Variants in MPHOSPH8 observed in about 807,000 individuals in gnomAD.
MPHOSPH8 encodes M-phase phosphoprotein 8, also known as M-phase phosphoprotein, mpp.
Under a neutral mutation model 87.3 loss-of-function variants are expected in MPHOSPH8, and 45 were observed. The observed-to-expected ratio is 0.52, with a 90% confidence interval of 0.41 to 0.66. The LOEUF (loss-of-function observed/expected upper bound fraction) is 0.66. MPHOSPH8 is among the 30% of genes least tolerant of loss of function. The pLI is 0.00. For missense variants in MPHOSPH8, 883 were observed against 1,020.2 expected, an observed-to-expected ratio of 0.87 and a Z score of 1.83; for synonymous variants, 366 against 376.9, an observed-to-expected ratio of 0.97 and a Z score of 0.33.
At chr13:19,666,329 C>T in intron 9 of MPHOSPH8, 96 bp from the exon 10 acceptor site, 1 of 1,302,260 alleles carries the variant, frequency 7.7e-7, no homozygotes, top group South Asian at 1.7e-5. Flanking sequence ...CCTGTGCCCT[C>T]TCTTCACAGA....
At chr13:19,651,551 C>T (rs114120456) in intron 5 of MPHOSPH8, among the ~76,000 whole-genome samples, 1,698 of 151,558 alleles carry the variant, frequency 0.011, 32 homozygotes, top group African/African-American at 0.038. Flanking sequence ...AGAAAACTGG[C>T]TAGGCATGGT....
intron 5 of MPHOSPH8, among the ~76,000 whole-genome samples, chr13:19,656,667 G>A (rs1277227328): frequency 1.3e-5 from 2 of 152,060 alleles, no homozygotes; most frequent in African/African-American, 2.4e-5. Context: ...GGCTGAGGCA[G>A]GAGAATCGCT....
At chr13:19,634,019 G>GA in intron 1 of MPHOSPH8, 58 bp downstream of exon 1, 1 of 1,550,160 alleles carries the variant, frequency 6.5e-7, no homozygotes. Context: ...TGGCGGGGAG[G>GA]ACGCGAGCTG....
intron 9 of MPHOSPH8, among the ~76,000 whole-genome samples, chr13:19,663,496 G>A (rs1462680669): frequency 6.6e-6 from 1 of 152,240 alleles, no homozygotes; most frequent in Non-Finnish European, 1.5e-5. Flanking sequence ...CAGGGAGGCT[G>A]CTGGCCTCGA....
At chr13:19,659,798 A>G (rs1339263684) in intron 7 of MPHOSPH8, 2 of 258,306 alleles carry the variant, frequency 7.7e-6, no homozygotes, top group East Asian at 1.0e-4. Flanking sequence ...GTTATGGTCT[A>G]CCTGTTTTGT....
intron 5 of MPHOSPH8, among the ~76,000 whole-genome samples, chr13:19,657,681 T>A (rs1436748218): frequency 3.9e-5 from 6 of 152,214 alleles, no homozygotes; most frequent in Non-Finnish European, 8.8e-5. Flanking sequence ...CAATCTGAGC[T>A]GCAGCTCAGC....
chr13:19,663,425 C>T (rs1318118006), intron 9 of MPHOSPH8, among the ~76,000 whole-genome samples: 2 of 152,364 alleles, frequency 1.3e-5, no homozygotes, highest in East Asian at 3.9e-4. Context: ...AGGTGCCACA[C>T]TGTGTCCTAA....
chr13:19,635,423 G>A (rs959902028), intron 1 of MPHOSPH8, among the ~76,000 whole-genome samples: 42 of 152,322 alleles, frequency 2.8e-4, no homozygotes, highest in African/African-American at 9.6e-4. Context: ...AGCTACTCGG[G>A]AGGCTGAGGC....
At chr13:19,671,110 TA>T (rs1443551954) in intron 12 of MPHOSPH8, 95 bp from the exon 13 acceptor site, 1 of 1,504,788 alleles carries the variant, frequency 6.6e-7, no homozygotes, top group African/African-American at 1.4e-5. Context: ...AAATAAAAAA[TA>T]AAACTTATTT....
At chr13:19,669,412 G>A (rs577188099) in intron 11 of MPHOSPH8, among the ~76,000 whole-genome samples, 1 of 152,098 alleles carries the variant, frequency 6.6e-6, no homozygotes, top group Non-Finnish European at 1.5e-5. Flanking sequence ...ACCAGAGAAC[G>A]ATGCCCTGAG....
At chr13:19,637,294 A>G (rs11617480) in intron 1 of MPHOSPH8, among the ~76,000 whole-genome samples, 21,073 of 152,230 alleles carry the variant, frequency 0.14, 1,700 homozygotes, top group African/African-American at 0.19. Context: ...ATGTTAATGT[A>G]AAAGGTAATT....
At chr13:19,669,399 A>T (rs1273392586) in intron 11 of MPHOSPH8, among the ~76,000 whole-genome samples, 1 of 152,094 alleles carries the variant, frequency 6.6e-6, no homozygotes, top group Non-Finnish European at 1.5e-5. Context: ...GCCAGGTATG[A>T]GTACCAGAGA....
chr13:19,669,404 C>A (rs1875994352), intron 11 of MPHOSPH8, among the ~76,000 whole-genome samples: 1 of 151,916 alleles, frequency 6.6e-6, no homozygotes. Context: ...GTATGAGTAC[C>A]AGAGAACGAT....
At chr13:19,652,313 G>A (rs540320980) in intron 5 of MPHOSPH8, among the ~76,000 whole-genome samples, 4 of 152,246 alleles carry the variant, frequency 2.6e-5, no homozygotes, top group East Asian at 3.9e-4. Context: ...TGCCTCACCT[G>A]GGAAATGCAG....
intron 9 of MPHOSPH8, among the ~76,000 whole-genome samples, chr13:19,664,270 T>G (rs1169694656): frequency 6.6e-6 from 1 of 152,198 alleles, no homozygotes; most frequent in African/African-American, 2.4e-5. Context: ...AGGTTTGTCT[T>G]TGTTTCCCTT....
chr13:19,645,011 G>T (rs1874493824), intron 2 of MPHOSPH8, among the ~76,000 whole-genome samples: 1 of 151,932 alleles, frequency 6.6e-6, no homozygotes, highest in Admixed American at 6.6e-5. Context: ...GTCTTCTCTG[G>T]CCTACTTGGT....
intron 12 of MPHOSPH8, 82 bp from the exon 13 acceptor site, chr13:19,671,124 G>T: frequency 6.5e-7 from 1 of 1,531,686 alleles, no homozygotes. Flanking sequence ...ACTTATTTAT[G>T]ATTCTTTTAC....
chr13:19,660,127 A>G (rs538387660), intron 7 of MPHOSPH8, among the ~76,000 whole-genome samples: 1 of 147,036 alleles, frequency 6.8e-6, no homozygotes, highest in African/African-American at 2.5e-5. Flanking sequence ...CGCCCGGCTA[A>G]TTTTTTGTAT....
At chr13:19,656,760 CAAAAATA>C (rs1875202675) in intron 5 of MPHOSPH8, among the ~76,000 whole-genome samples, 1 of 149,620 alleles carries the variant, frequency 6.7e-6, no homozygotes, top group Admixed American at 6.7e-5. Flanking sequence ...GACTTTCTTT[CAAAAATA>C]AAAAATAAAA....
Sources: allele counts gnomAD v4.1 joint callset (sites outside exome capture counted in the v4.1 genomes callset), GRCh38; gene constraint gnomAD v4.1.1; transcripts MANE v1.5; gene names NCBI Gene and HGNC (gene_info 2026-07-23, HGNC 2026-07-21).